The following C2orf78 variants were observed in gnomAD, a reference collection of about 807,000 sequenced individuals.
C2orf78 encodes chromosome 2 open reading frame 78, also known as uncharacterized protein C2orf78.
Under a neutral mutation model 21.4 loss-of-function variants are expected in C2orf78, and 12 were observed. The ratio of observed to expected loss-of-function variants is 0.56; its 90% CI spans 0.36 to 0.91. The LOEUF (loss-of-function observed/expected upper bound fraction) is 0.91. Ranked by LOEUF, C2orf78 falls within the 40% of genes least tolerant of loss-of-function variation. The pLI, the probability that C2orf78 is intolerant of heterozygous loss-of-function variation, is 0.01. For missense variants in C2orf78, 1,042 were observed against 1,092.4 expected (o/e 0.95, Z 0.65); for synonymous variants, 396 against 413.9 (o/e 0.96, Z 0.52).
At position 73,807,812 on chromosome 2, in the gene C2orf78, C is replaced by G. The variant is rs537564289; in HGVS notation, c.98-5665C>G. Reference sequence around the variant, plus strand: ...GAGCAGAAGAGAGATCCAAGTCCAACCTGGCCCAGCCCAAAGAAGGTGGAA... The same window carrying G: ...GAGCAGAAGAGAGATCCAAGTCCAAGCTGGCCCAGCCCAAAGAAGGTGGAA... On this transcript the variant is annotated intron_variant, in intron 1 of 2. Coordinates refer to ENST00000409561, the Ensembl canonical transcript of C2orf78. 3.7e-3 allele frequency among the ~76,000 whole-genome samples: 541 copies of G among 146,044 alleles called. 22 individuals are homozygous for G. The highest frequency in any genetic ancestry group is 0.014 in the African/African-American group (519 of 37,844).
At chr2:73,815,137 T>C in exon 3 of C2orf78, 1 of 1,614,000 alleles carries the variant, frequency 6.2e-7, no homozygotes, top group Non-Finnish European at 8.5e-7. Context: ...ACATTTTGTC[T>C]GCCACAAACT....
chr2:73,813,336 C>A, intron 1 of C2orf78, 141 bp from the exon 2 acceptor site: 1 of 830,756 alleles, frequency 1.2e-6, no homozygotes, highest in Non-Finnish European at 1.8e-6. Context: ...CCATCATAAA[C>A]TGTTTGGCTT....
chr2:73,786,228 G>C (rs775887439), intron 1 of C2orf78, among the ~76,000 whole-genome samples: 4 of 151,442 alleles, frequency 2.6e-5, no homozygotes, highest in Admixed American at 6.6e-5. Context: ...GAAAATATAA[G>C]AATTAGCTGG....
intron 1 of C2orf78, among the ~76,000 whole-genome samples, chr2:73,809,713 G>A (rs1439897355): frequency 6.6e-6 from 1 of 152,192 alleles, no homozygotes; most frequent in Non-Finnish European, 1.5e-5. Context: ...GAGCCCAGGA[G>A]GTTGAGGCTG....
At chr2:73,813,785 G>C in exon 2 of C2orf78, 1 of 1,614,062 alleles carries the variant, frequency 6.2e-7, no homozygotes, top group Non-Finnish European at 8.5e-7. Flanking sequence ...AGCAAGCACA[G>C]TAAAGAAGTC....
At chr2:73,816,713 T>G in exon 3 of C2orf78, 1 of 1,614,018 alleles carries the variant, frequency 6.2e-7, no homozygotes, top group African/African-American at 1.3e-5. Context: ...CTGTTTCCAC[T>G]GCTGTGACCA....
exon 2 of C2orf78, chr2:73,814,129 G>A (rs999273094): frequency 1.2e-6 from 2 of 1,612,420 alleles, no homozygotes; most frequent in African/African-American, 2.7e-5. Context: ...TGATGGTGCT[G>A]AAGGAGGTTC....
exon 2 of C2orf78, chr2:73,813,539 G>T (rs766065954): frequency 1.9e-6 from 3 of 1,613,820 alleles, no homozygotes; most frequent in South Asian, 2.2e-5. Flanking sequence ...TCTTCCTGTG[G>T]TGAGCAATGC....
At chr2:73,813,366 T>C in intron 1 of C2orf78, 111 bp from the exon 2 acceptor site, 1 of 1,106,898 alleles carries the variant, frequency 9.0e-7, no homozygotes, top group Non-Finnish European at 1.2e-6. Context: ...CAGTGAGTAT[T>C]GGTATTAGAG....
At chr2:73,808,178 T>C (rs1452669467) in intron 1 of C2orf78, among the ~76,000 whole-genome samples, 2 of 150,964 alleles carry the variant, frequency 1.3e-5, no homozygotes, top group South Asian at 4.2e-4. Context: ...GGCGTGAACC[T>C]GGGAGGTGGT....
At chr2:73,785,789 G>A (rs1220667592) in intron 1 of C2orf78, among the ~76,000 whole-genome samples, 1 of 152,074 alleles carries the variant, frequency 6.6e-6, no homozygotes, top group Non-Finnish European at 1.5e-5. Context: ...GCTTACACCT[G>A]TAATCCCAGC....
intron 1 of C2orf78, among the ~76,000 whole-genome samples, chr2:73,810,946 A>G (rs1272089154): frequency 7.0e-6 from 1 of 142,692 alleles, no homozygotes; most frequent in African/African-American, 2.6e-5. Context: ...AATGTATGTT[A>G]TATATAATAT....
intron 1 of C2orf78, among the ~76,000 whole-genome samples, chr2:73,810,575 T>TTATGTATATTATATATATACATAAAATA (rs1673061314): frequency 7.1e-6 from 1 of 140,654 alleles, no homozygotes; most frequent in African/African-American, 2.6e-5. Context: ...TATGTATATT[T>TTATGTATATTATATATATACATAAAATA]TATGTATATT....
rs542977095 is a variant in C2orf78, at chr2:73,786,002, C to T, written c.97+1596C>T. ...CAAAGGTTGTGGTGAGCCAAGATCG[C>T]GCCATTGCACTCCAGCCTGGGCAAT... On this transcript the variant is annotated intron_variant, in intron 1 of 2. Transcript: ENST00000409561. Among the ~76,000 whole-genome samples the T allele has an allele frequency of 5.8e-4, 88 of 151,710 alleles. 1 individual carries two copies. Among genetic ancestry groups the T allele is most frequent in the Non-Finnish European group, 1.1e-3 (72 of 67,966 alleles).
At chr2:73,807,565 T>G (rs1189301107) in intron 1 of C2orf78, among the ~76,000 whole-genome samples, 1 of 27,658 alleles carries the variant, frequency 3.6e-5, no homozygotes, top group African/African-American at 1.7e-4. Flanking sequence ...GGCAAAAGAA[T>G]TGTGACCAAA....
chr2:73,813,420 T>C, intron 1 of C2orf78, 57 bp from the exon 2 acceptor site: 1 of 1,462,664 alleles, frequency 6.8e-7, no homozygotes, highest in Non-Finnish European at 9.1e-7. Flanking sequence ...AGTCTTCCAA[T>C]AAGGTGAGAA....
At chr2:73,815,213 G>A in exon 3 of C2orf78, 1 of 1,613,942 alleles carries the variant, frequency 6.2e-7, no homozygotes. Flanking sequence ...CATCACCTGA[G>A]CTTGGGGACA....
At chr2:73,810,823 T>C (rs1226058254) in intron 1 of C2orf78, among the ~76,000 whole-genome samples, 1 of 134,130 alleles carries the variant, frequency 7.5e-6, no homozygotes, top group Non-Finnish European at 1.5e-5. Flanking sequence ...ATAATTAATA[T>C]ACATGTATGT....
intron 1 of C2orf78, 99 bp from the exon 2 acceptor site, chr2:73,813,378 C>A: frequency 8.0e-7 from 1 of 1,248,084 alleles, no homozygotes; most frequent in Non-Finnish European, 1.1e-6. Context: ...GTATTAGAGG[C>A]TTCCTGATTG....
Sources: allele counts gnomAD v4.1 joint callset (sites outside exome capture counted in the v4.1 genomes callset), GRCh38; gene constraint gnomAD v4.1.1; transcripts MANE v1.5; gene names NCBI Gene and HGNC (gene_info 2026-07-23, HGNC 2026-07-21).